The following ARID2 variants were observed in gnomAD, a reference collection of about 807,000 sequenced individuals.
ARID2 encodes AT-rich interactive domain-containing protein 2.
In ARID2, 32 loss-of-function variants were observed where a neutral mutation model predicts 184.6. The ratio of observed to expected loss-of-function variants is 0.17; its 90% CI spans 0.13 to 0.23. The LOEUF (loss-of-function observed/expected upper bound fraction) is 0.23, where lower values mean the gene tolerates loss of function less well. ARID2 is among the 10% of genes least tolerant of loss of function. The pLI is 1.00. For missense variants in ARID2, 1,696 were observed against 2,197.6 expected, an observed-to-expected ratio of 0.77 and a Z score of 4.56; for synonymous variants, 836 against 772.6, an observed-to-expected ratio of 1.08 and a Z score of -1.36.
intron 3 of ARID2, among the ~76,000 whole-genome samples, chr12:45,742,999 A>G (rs182263710): frequency 8.1e-4 from 123 of 152,238 alleles, no homozygotes; most frequent in African/African-American, 2.8e-3. Flanking sequence ...GGGATTAAGA[A>G]ATGGTATCTC....
At chr12:45,788,632 T>C (rs10748432) in intron 3 of ARID2, among the ~76,000 whole-genome samples, 92,521 of 151,924 alleles carry the variant, frequency 0.61, 29,998 homozygotes, top group African/African-American at 0.85. Context: ...ATAATACTCC[T>C]ATAGTGAAAA....
intron 3 of ARID2, among the ~76,000 whole-genome samples, chr12:45,770,317 GAGA>G (rs1294573731): frequency 6.6e-6 from 1 of 152,074 alleles, no homozygotes; most frequent in East Asian, 1.9e-4. Flanking sequence ...ACAAAACTCA[GAGA>G]ATTTGTTGCT....
chr12:45,775,813 T>A (rs1941965177), intron 3 of ARID2, among the ~76,000 whole-genome samples: 1 of 152,254 alleles, frequency 6.6e-6, no homozygotes. Flanking sequence ...TATAAGTTAT[T>A]CAGGATCATA....
chr12:45,850,887 A>G lies in ARID2; in HGVS notation c.2764A>G (p.Thr922Ala), dbSNP rs114470162. 1.3e-3 allele frequency: 2,103 copies of G among 1,614,066 alleles called. 21 individuals are homozygous for G. The African/African-American group carries it at 0.024, about 19-fold the overall frequency. Residue 922 changes from threonine to alanine, a missense_variant, in exon 15 of 21, where the codon ACC becomes GCC. Physicochemically the swap from Thr to Ala is moderately conservative, Grantham distance 58 (BLOSUM62 0). Coordinates refer to ENST00000334344, the MANE Select transcript of ARID2 (RefSeq NM_152641.4). ...GCCTATTCAACAACCACAGCAGCCA[A>G]CCCAACAAAGCGTAGTGATTGTAAG... ...QQPIQQPQQPTQQSVVIVSQP... is the reference protein window; with the variant it reads ...QQPIQQPQQPAQQSVVIVSQP...
intron 3 of ARID2, among the ~76,000 whole-genome samples, chr12:45,795,780 C>G (rs1942382648): frequency 6.6e-6 from 1 of 151,938 alleles, no homozygotes; most frequent in South Asian, 2.1e-4. Context: ...TTCTTCTCTT[C>G]TTTATTTTCT....
At chr12:45,768,206 T>C (rs1380817889) in intron 3 of ARID2, among the ~76,000 whole-genome samples, 2 of 152,066 alleles carry the variant, frequency 1.3e-5, no homozygotes, top group Non-Finnish European at 2.9e-5. Flanking sequence ...GAATAGGATA[T>C]CAAGATTTTT....
chr12:45,817,359 TAAAA>T (rs574999558), intron 4 of ARID2, among the ~76,000 whole-genome samples: 1 of 151,640 alleles, frequency 6.6e-6, no homozygotes, highest in African/African-American at 2.4e-5. Context: ...TCTCAGAAAA[TAAAA>T]AAAGTGCAGC....
In ARID2 at chr12:45,836,970, A is replaced by G; in HGVS notation, c.1002A>G (p.Thr334=). 1 of 1,613,796 alleles carries G rather than the reference A, an allele frequency of 6.2e-7. No homozygotes were observed. The highest frequency in any genetic ancestry group is 8.5e-7 in the Non-Finnish European group (1 of 1,179,946). Residue 334 remains threonine, a synonymous_variant, in exon 8 of 21, where the codon ACA becomes ACG. Coordinates refer to ENST00000334344, the MANE Select transcript of ARID2 (RefSeq NM_152641.4). ...FISLRQLGLD[T]LGNIAAELLL... ...CTTTAAGGCAATTAGGCCTTGACACATTAGGAAATATTGCAGCTGAGGTAA... is the reference window on the plus strand; with the variant it reads ...CTTTAAGGCAATTAGGCCTTGACACGTTAGGAAATATTGCAGCTGAGGTAA...
intron 20 of ARID2, among the ~76,000 whole-genome samples, chr12:45,895,603 C>T (rs529887258): frequency 6.6e-5 from 10 of 152,320 alleles, no homozygotes; most frequent in East Asian, 1.9e-4. Flanking sequence ...GGCACGATCT[C>T]GGCTCACTGC....
At chr12:45,747,100 TA>T (rs1157121720) in intron 3 of ARID2, among the ~76,000 whole-genome samples, 1 of 152,218 alleles carries the variant, frequency 6.6e-6, no homozygotes, top group African/African-American at 2.4e-5. Context: ...AATCTAGGCA[TA>T]TTATACTGTC....
intron 6 of ARID2, among the ~76,000 whole-genome samples, chr12:45,826,629 A>C (rs1198344868): frequency 6.6e-6 from 1 of 151,886 alleles, no homozygotes; most frequent in Non-Finnish European, 1.5e-5. Context: ...ATGTTCCTCA[A>C]GGTAGTCTCA....
chr12:45,874,755 A>G (rs1943983554), intron 16 of ARID2, among the ~76,000 whole-genome samples: 1 of 152,220 alleles, frequency 6.6e-6, no homozygotes, highest in Non-Finnish European at 1.5e-5. Flanking sequence ...TCCTTTGCAG[A>G]AGATTTTCAA....
Position 45,905,277 on chromosome 12 carries a change from A to G in ARID2, c.*199A>G, listed in dbSNP as rs1000204008. On this transcript the variant is annotated 3_prime_UTR_variant, in exon 21 of 21. Coordinates refer to ENST00000334344, the MANE Select transcript of ARID2 (RefSeq NM_152641.4). Reference sequence around the variant, plus strand: ...TCTCTGTTTAAAAAAATCTAAAAAGAAAAAGGAAAAAAAAAAAAGAACTGC... The same window carrying G: ...TCTCTGTTTAAAAAAATCTAAAAAGGAAAAGGAAAAAAAAAAAAGAACTGC... 8.5e-6 allele frequency: 4 copies of G among 473,078 alleles called. No homozygotes were observed. Among genetic ancestry groups the G allele is most frequent in the Non-Finnish European group, 1.4e-5 (4 of 285,082 alleles). 29.3% of individuals were successfully genotyped at this position (473,078 alleles called of 1,614,324 possible). A position where few individuals can be genotyped will look rare whatever the true frequency, so the allele number is the denominator to read the frequency against.
intron 6 of ARID2, among the ~76,000 whole-genome samples, chr12:45,834,843 C>G (rs186564145): frequency 2.6e-4 from 39 of 152,256 alleles, no homozygotes; most frequent in Admixed American, 2.6e-3. Flanking sequence ...GACGTTTCCA[C>G]AGCTTTTTTC....
chr12:45,761,601 C>T (rs1304763118), intron 3 of ARID2, among the ~76,000 whole-genome samples: 1 of 152,010 alleles, frequency 6.6e-6, no homozygotes, highest in Non-Finnish European at 1.5e-5. Flanking sequence ...TTTGACCCTG[C>T]TCTTTTTTAG....
intron 2 of ARID2, among the ~76,000 whole-genome samples, chr12:45,730,662 C>G (rs990849573): frequency 6.6e-6 from 1 of 152,030 alleles, no homozygotes; most frequent in East Asian, 1.9e-4. Flanking sequence ...GCCTCGGCCC[C>G]GTCGCCCTCG....
chr12:45,904,909 C>T (rs768190753), intron 20 of ARID2, 25 bp from the exon 21 acceptor site: 2 of 1,609,118 alleles, frequency 1.2e-6, no homozygotes, highest in African/African-American at 1.3e-5. Context: ...TGGAGACTGA[C>T]AATCTTCTAT....
At chr12:45,730,828 C>G (rs1488004020) in intron 2 of ARID2, among the ~76,000 whole-genome samples, 1 of 151,060 alleles carries the variant, frequency 6.6e-6, no homozygotes, top group African/African-American at 2.4e-5. Context: ...GCCCCCCCCC[C>G]AACCCGCGGA....
chr12:45,850,144 T>A lies in ARID2; in HGVS notation c.2021T>A (p.Val674Asp), dbSNP rs2138159340. 6.2e-7 allele frequency: 1 copy of A among 1,614,102 alleles called. No individual in the cohort carries two copies. Among genetic ancestry groups the A allele is most frequent in the African/African-American group, 1.3e-5 (1 of 75,038 alleles). Residue 674 changes from valine to aspartate, a missense_variant, in exon 15 of 21, where the codon GTT (valine) becomes GAT (aspartate). Physicochemically the swap from Val to Asp is radical, Grantham distance 152 (BLOSUM62 -3). This residue lies in a region of ARID2 where 713 missense variants were observed against 824.4 expected (regional missense o/e 0.86). Transcript: ENST00000334344. The stretch of plus-strand genomic sequence containing the variant: ...CAAATGTCTTTTCCTGTACAAGGTG[T>A]TCATACTGTGGCACAAACTGTTTCA... Reference protein sequence around the residue: ...ATQMSFPVQGVHTVAQTVSRI... With the variant: ...ATQMSFPVQGDHTVAQTVSRI...
Sources: gnomAD v4.1 joint callset for allele counts (sites outside exome capture counted in the v4.1 genomes callset) on GRCh38, gnomAD v4.1.1 for gene constraint, gnomAD v4.1.1 regional missense constraint, MANE v1.5 for transcripts, NCBI Gene and HGNC (gene_info 2026-07-23, HGNC 2026-07-21) for gene names.